FAM171A1: variants seen among roughly 807,000 people sequenced by gnomAD.
The protein encoded by FAM171A1 is family with sequence similarity 171 member A1.
In FAM171A1, 23 loss-of-function variants were observed where a neutral mutation model predicts 74.9. The ratio of observed to expected loss-of-function variants is 0.31; its 90% CI spans 0.22 to 0.44. FAM171A1 has a LOEUF of 0.44. Among genes scored for constraint, FAM171A1 ranks in the 20% least tolerant of loss-of-function variants. FAM171A1 has a pLI of 1.00. For synonymous variants in FAM171A1, 527 were observed against 505.7 expected, an observed-to-expected ratio of 1.04 and a Z score of -0.57; for missense variants, 1,162 against 1,159.2, an observed-to-expected ratio of 1.00 and a Z score of -0.03.
intron 1 of FAM171A1, among the ~76,000 whole-genome samples, chr10:15,368,680 G>A (rs1322596386): frequency 6.6e-6 from 1 of 152,190 alleles, no homozygotes; most frequent in Non-Finnish European, 1.5e-5. Flanking sequence ...CCAACTGTAT[G>A]CATAACAACC....
intron 5 of FAM171A1, among the ~76,000 whole-genome samples, chr10:15,224,523 T>C (rs1229397047): frequency 6.6e-6 from 1 of 152,136 alleles, no homozygotes; most frequent in East Asian, 1.9e-4. Context: ...TCATCTTGAA[T>C]TGTAGCTCCC....
intron 4 of FAM171A1, among the ~76,000 whole-genome samples, chr10:15,253,752 C>T (rs2131766411): frequency 6.6e-6 from 1 of 152,226 alleles, no homozygotes; most frequent in Admixed American, 6.5e-5. Context: ...AATTTTAATG[C>T]TGTGATTAGT....
chr10:15,363,184 C>G (rs943566293), intron 1 of FAM171A1, among the ~76,000 whole-genome samples: 1 of 152,178 alleles, frequency 6.6e-6, no homozygotes, highest in Non-Finnish European at 1.5e-5. Flanking sequence ...GAAAGGCATT[C>G]AAAGACAGGC....
chr10:15,369,854 T>A (rs1364377403), intron 1 of FAM171A1, among the ~76,000 whole-genome samples: 1 of 152,214 alleles, frequency 6.6e-6, no homozygotes, highest in Non-Finnish European at 1.5e-5. Flanking sequence ...CACACCCTTC[T>A]GAGGGGACAG....
Position 15,229,611 on chromosome 10 carries a change from A to G in FAM171A1, c.755-8551T>C, listed in dbSNP as rs1156900994. On this transcript the variant is annotated intron_variant, in intron 5 of 7. Transcript: ENST00000378116. ...CATCACCATCATCACCATCACCATC[A>G]TCACCATTGTCACCCCCATCACCAT... 4.8e-5 allele frequency among the ~76,000 whole-genome samples: 6 copies of G among 124,312 alleles called. No homozygotes were observed. In the Admixed American group the frequency reaches 5.0e-4, roughly 10 times the overall value. The allele number at this position is 124,312 out of a possible 152,430, so 81.6% of individuals were successfully genotyped here. A position where few individuals can be genotyped will look rare whatever the true frequency, so the allele number is the denominator to read the frequency against.
intron 4 of FAM171A1, among the ~76,000 whole-genome samples, chr10:15,249,250 C>A (rs1234301960): frequency 6.6e-6 from 1 of 152,086 alleles, no homozygotes; most frequent in Non-Finnish European, 1.5e-5. Flanking sequence ...GCTTCCACTA[C>A]CCTGATGGAT....
intron 3 of FAM171A1, among the ~76,000 whole-genome samples, chr10:15,260,341 G>T (rs115002209): frequency 6.6e-6 from 1 of 152,120 alleles, no homozygotes; most frequent in South Asian, 2.1e-4. Context: ...CTAATCAAGA[G>T]CATCATGAGA....
intron 3 of FAM171A1, 91 bp from the exon 4 acceptor site, chr10:15,254,970 G>T: frequency 1.6e-6 from 2 of 1,248,028 alleles, no homozygotes; most frequent in Non-Finnish European, 2.3e-6. Context: ...TAAGGTTTCA[G>T]CACGCCTCCC....
intron 1 of FAM171A1, among the ~76,000 whole-genome samples, chr10:15,367,834 T>C (rs976351214): frequency 6.6e-6 from 1 of 152,200 alleles, no homozygotes; most frequent in Non-Finnish European, 1.5e-5. Flanking sequence ...ATAAACATCA[T>C]CCAATAAGAT....
chr10:15,339,565 C>T (rs1835740746), intron 1 of FAM171A1, among the ~76,000 whole-genome samples: 1 of 152,134 alleles, frequency 6.6e-6, no homozygotes, highest in African/African-American at 2.4e-5. Flanking sequence ...AGTGAAGTGT[C>T]ATTCTCATGA....
chr10:15,372,498 C>G (rs189257266), upstream of FAM171A1, among the ~76,000 whole-genome samples: 1 of 150,972 alleles, frequency 6.6e-6, no homozygotes, highest in East Asian at 2.0e-4. Flanking sequence ...AGTTAAGAGA[C>G]CAGCTGGGCC....
chr10:15,252,261 C>T (rs949468593), intron 4 of FAM171A1, among the ~76,000 whole-genome samples: 3 of 152,206 alleles, frequency 2.0e-5, no homozygotes, highest in Non-Finnish European at 4.4e-5. Flanking sequence ...ACTTACAACT[C>T]TGGATCCACC....
chr10:15,268,977 T>C (rs1054527461), intron 3 of FAM171A1, among the ~76,000 whole-genome samples: 19 of 152,112 alleles, frequency 1.2e-4, no homozygotes, highest in African/African-American at 4.1e-4. Flanking sequence ...GGGAGGCGGA[T>C]ATTGCAGTGA....
intron 1 of FAM171A1, among the ~76,000 whole-genome samples, chr10:15,286,434 C>A (rs373425051): frequency 1.5e-4 from 23 of 152,100 alleles, no homozygotes; most frequent in Non-Finnish European, 4.4e-5. Context: ...GTGCCCGCCA[C>A]GATGCCCCAC....
chr10:15,214,515 G>A lies in FAM171A1; in HGVS notation c.1073C>T (p.Ser358Phe), dbSNP rs1833942598. ...LESSKRDQST[S>F]MSHINLLFSR... The stretch of plus-strand genomic sequence containing the variant: ...AAACAGCAAGTTAATGTGTGACATG[G>A]ACGTGGACTGGTCTCTTTTGGAACT... The change falls in exon 8 of 8, where the codon TCC (serine) becomes TTC (phenylalanine). Residue 358 changes from serine to phenylalanine, a missense_variant. Transcript: ENST00000378116. 6.2e-7 allele frequency: 1 copy of A among 1,614,202 alleles called. No individual in the cohort carries two copies. The highest frequency in any genetic ancestry group is 1.1e-5 in the South Asian group (1 of 91,082).
intron 2 of FAM171A1, among the ~76,000 whole-genome samples, chr10:15,283,327 T>C (rs771422987): frequency 1.3e-5 from 2 of 152,174 alleles, no homozygotes; most frequent in Non-Finnish European, 2.9e-5. Context: ...TTTCCTTCCC[T>C]CTCTCCTGTC....
chr10:15,356,728 T>C (rs1364324621), intron 1 of FAM171A1, among the ~76,000 whole-genome samples: 2 of 152,110 alleles, frequency 1.3e-5, no homozygotes, highest in African/African-American at 2.4e-5. Flanking sequence ...CCCAGCACTC[T>C]GGGGGGCCGA....
chr10:15,337,637 CT>C (rs1327638303), intron 1 of FAM171A1, among the ~76,000 whole-genome samples: 2 of 152,088 alleles, frequency 1.3e-5, no homozygotes, highest in Non-Finnish European at 2.9e-5. Flanking sequence ...TGGCTCACGC[CT>C]GCAATCCCAG....
intron 3 of FAM171A1, among the ~76,000 whole-genome samples, chr10:15,264,634 A>ATAT (rs986939076): frequency 7.3e-5 from 11 of 151,002 alleles, no homozygotes; most frequent in Non-Finnish European, 1.2e-4. Context: ...AAAAAAAAAA[A>ATAT]TTAGCCAGGT....
Sources: allele counts gnomAD v4.1 joint callset (sites outside exome capture counted in the v4.1 genomes callset), GRCh38; gene constraint gnomAD v4.1.1; transcripts MANE v1.5; gene names NCBI Gene and HGNC (gene_info 2026-07-23, HGNC 2026-07-21).